SRGAP2: variants seen among roughly 807,000 people sequenced by gnomAD.
SRGAP2 encodes SLIT-ROBO Rho GTPase activating protein 2.
In SRGAP2, 15 loss-of-function variants were observed where a neutral mutation model predicts 57.2. That is an observed-to-expected ratio of 0.26 (90% CI 0.18 to 0.40). The LOEUF (loss-of-function observed/expected upper bound fraction) is 0.40, where lower values mean the gene tolerates loss of function less well. Ranked by LOEUF, SRGAP2 falls within the 10% of genes least tolerant of loss-of-function variation. The pLI is 1.00. For missense variants in SRGAP2, 520 were observed against 669.6 expected (o/e 0.78, Z 2.47); for synonymous variants, 249 against 248.0 (o/e 1.00, Z -0.04).
At chr1:206,417,833 G>A (rs1230117398) in intron 11 of SRGAP2, among the ~76,000 whole-genome samples, 1 of 151,878 alleles carries the variant, frequency 6.6e-6, no homozygotes, top group Non-Finnish European at 1.5e-5. Flanking sequence ...TGGGCATTGA[G>A]GGCCAAACTT....
intron 3 of SRGAP2, among the ~76,000 whole-genome samples, chr1:206,305,565 C>A (rs1343259502): frequency 3.3e-5 from 5 of 152,230 alleles, no homozygotes; most frequent in Non-Finnish European, 7.3e-5. Context: ...GCACTATCTA[C>A]CTTCTGTTAT....
intron 2 of SRGAP2, among the ~76,000 whole-genome samples, chr1:206,251,702 C>CTTTT (rs1180655419): frequency 1.5e-5 from 1 of 66,364 alleles, no homozygotes; most frequent in Non-Finnish European, 2.7e-5. Flanking sequence ...CCCCTTGGTT[C>CTTTT]TTTTTTTTTT....
chr1:206,425,586 C>G (rs1396961719), intron 13 of SRGAP2, among the ~76,000 whole-genome samples: 3 of 152,124 alleles, frequency 2.0e-5, no homozygotes, highest in African/African-American at 7.2e-5. Flanking sequence ...GCAGGCTGGA[C>G]TGCAGTGGTG....
chr1:206,206,224 T>C, intron 2 of SRGAP2, 187 bp downstream of exon 2: 2 of 534,744 alleles, frequency 3.7e-6, no homozygotes, highest in South Asian at 4.6e-5. Flanking sequence ...CCATTGACAC[T>C]GGAAAGGAAT....
intron 4 of SRGAP2, among the ~76,000 whole-genome samples, chr1:206,376,230 GT>G (rs1655190685): frequency 6.6e-6 from 1 of 151,970 alleles, no homozygotes; most frequent in African/African-American, 2.4e-5. Context: ...TCTTTGTTTC[GT>G]TTTGGGAGTT....
At position 206,454,450 on chromosome 1, in the gene SRGAP2, C is replaced by G. The variant is rs1553377552; in HGVS notation, c.2361-428C>G. 5 of 489,336 alleles carry G rather than the reference C, an allele frequency of 1.0e-5. No individual in the cohort carries two copies. The highest frequency in any genetic ancestry group is 7.8e-5 in the African/African-American group (4 of 51,236). 30.3% of individuals were successfully genotyped at this position (489,336 alleles called of 1,614,324 possible). On this transcript the variant is annotated intron_variant, in intron 20 of 22. Transcript: ENST00000573034. This position sits in a 1 kb window ranked among gnomAD's most constrained non-coding sequence, Gnocchi z 4.3. ...TGTGTGGCGGTGTCCTGCCACGACG[C>G]CGCCGTCTCCAGAGCCACCACACAG... is the stretch of plus-strand genomic sequence containing the variant.
intron 19 of SRGAP2, 35 bp downstream of exon 19, chr1:206,450,500 C>T (rs1196107278): frequency 3.8e-6 from 3 of 779,260 alleles, no homozygotes; most frequent in African/African-American, 3.4e-5. Context: ...GTGGGGACGC[C>T]AGGGGTGAGG....
In SRGAP2 at chr1:206,451,115, T is replaced by TAA. The variant is rs67862340; in HGVS notation, c.2179+673_2179+674dup. On this transcript the variant is annotated intron_variant, in intron 19 of 22. Transcript: ENST00000573034. ...CTGGGTGAGAGAGTGAGACCCTGTC[T>TAA]AAAAAAAAAAAAAAAAAAAAAAAAG... is the stretch of plus-strand genomic sequence containing the variant. Among the ~76,000 whole-genome samples the TAA allele has an allele frequency of 7.4e-3, 511 of 69,148 alleles. 4 individuals are homozygous for TAA. Among genetic ancestry groups the TAA allele is most frequent in the South Asian group, 0.029 (56 of 1,938 alleles). The allele number at this position is 69,148 out of a possible 152,430, so 45.4% of individuals were successfully genotyped here. A position where few individuals can be genotyped will look rare whatever the true frequency, so the allele number is the denominator to read the frequency against.
At chr1:206,308,041 A>G (rs1334239687) in intron 3 of SRGAP2, among the ~76,000 whole-genome samples, 5 of 148,750 alleles carry the variant, frequency 3.4e-5, no homozygotes, top group Non-Finnish European at 7.5e-5. Context: ...TCTAATTAAG[A>G]TCACATACTA....
chr1:206,455,527 T>G, intron 21 of SRGAP2: 1 of 169,698 alleles, frequency 5.9e-6, no homozygotes. Context: ...CATGTGTCTG[T>G]TCCTCCCCCT....
chr1:206,247,511 A>G (rs1244758409), intron 2 of SRGAP2, among the ~76,000 whole-genome samples: 2 of 152,124 alleles, frequency 1.3e-5, no homozygotes, highest in Admixed American at 6.5e-5. Flanking sequence ...TAATTATCCT[A>G]CTAAAGACAG....
chr1:206,277,181 C>T (rs1414717477), intron 2 of SRGAP2, among the ~76,000 whole-genome samples: 1 of 145,452 alleles, frequency 6.9e-6, no homozygotes, highest in Non-Finnish European at 1.5e-5. Context: ...TTCAGGCCAT[C>T]TATCACTCTT....
intron 2 of SRGAP2, among the ~76,000 whole-genome samples, chr1:206,259,826 A>G (rs1669438395): frequency 7.5e-6 from 1 of 133,454 alleles, no homozygotes; most frequent in South Asian, 2.5e-4. Context: ...CTTTTAACCC[A>G]CAAAGCTAGA....
chr1:206,371,744 A>AG (rs2103023848), intron 4 of SRGAP2, among the ~76,000 whole-genome samples: 1 of 46,542 alleles, frequency 2.1e-5, no homozygotes, highest in Non-Finnish European at 3.7e-5. Flanking sequence ...AAAAAAAAAG[A>AG]AAAAAAATAT....
At chr1:206,449,286 A>ATTTTTTTTTTTT (rs35698284) in intron 18 of SRGAP2, among the ~76,000 whole-genome samples, 1 of 110,704 alleles carries the variant, frequency 9.0e-6, no homozygotes, top group Non-Finnish European at 1.8e-5. Context: ...ACACTGGATG[A>ATTTTTTTTTTTT]TTTTTTTTTT....
chr1:206,397,810 TG>T (rs1657753803), intron 7 of SRGAP2, among the ~76,000 whole-genome samples: 1 of 126,436 alleles, frequency 7.9e-6, no homozygotes. Context: ...GTAAGTGCCG[TG>T]TACATGTATG....
chr1:206,444,850 C>G (rs1662613696), intron 17 of SRGAP2, among the ~76,000 whole-genome samples: 1 of 152,222 alleles, frequency 6.6e-6, no homozygotes, highest in Non-Finnish European at 1.5e-5. Context: ...ATTCCAGGCT[C>G]TAGAGAACAG....
chr1:206,428,733 G>A (rs1572132314), intron 13 of SRGAP2, among the ~76,000 whole-genome samples: 1 of 152,208 alleles, frequency 6.6e-6, no homozygotes, highest in African/African-American at 2.4e-5. Flanking sequence ...CTTGATCTTG[G>A]CTCAGTGCAA....
chr1:206,303,137 GTTTAGAC>G, intron 2 of SRGAP2, 137 bp from the exon 3 acceptor site: 1 of 478,448 alleles, frequency 2.1e-6, no homozygotes, highest in Non-Finnish European at 3.6e-6. Flanking sequence ...CCTATGGCCA[GTTTAGAC>G]TTTAGGCTTT....
Sources: gnomAD v4.1 joint callset for allele counts (sites outside exome capture counted in the v4.1 genomes callset) on GRCh38, gnomAD v4.1.1 for gene constraint, Gnocchi (gnomAD v3.1) non-coding constraint, MANE v1.5 for transcripts, NCBI Gene and HGNC (gene_info 2026-07-23, HGNC 2026-07-21) for gene names.